The following BNC2 variants were observed in gnomAD, a reference collection of about 807,000 sequenced individuals.
BNC2 encodes the protein basonuclin zinc finger protein 2.
BNC2 carries 20 observed loss-of-function variants against 76.3 expected under a neutral mutation model. The observed-to-expected ratio is 0.26, with a 90% CI of 0.18 to 0.38. The LOEUF (loss-of-function observed/expected upper bound fraction) is 0.38, where lower values mean the gene tolerates loss of function less well. BNC2 is among the 10% of genes least tolerant of loss of function. The pLI is 1.00. For missense variants in BNC2, 1,382 were observed against 1,399.8 expected (o/e 0.99, Z 0.20); for synonymous variants, 582 against 514.8 (o/e 1.13, Z -1.77).
At chr9:16,708,285 T>TTTAA (rs1312219521) in intron 3 of BNC2, among the ~76,000 whole-genome samples, 4 of 152,198 alleles carry the variant, frequency 2.6e-5, no homozygotes, top group African/African-American at 9.6e-5. Context: ...AAATAAGAGT[T>TTTAA]TTAAAGTTCT....
At chr9:16,762,399 T>C (rs1586863298) in intron 1 of BNC2, among the ~76,000 whole-genome samples, 2 of 152,160 alleles carry the variant, frequency 1.3e-5, no homozygotes, top group African/African-American at 4.8e-5. Context: ...TAAAACAGTA[T>C]TTCGAAAAAA....
At chr9:16,754,518 T>C (rs7867584) in intron 1 of BNC2, among the ~76,000 whole-genome samples, 136 of 152,172 alleles carry the variant, frequency 8.9e-4, no homozygotes, top group African/African-American at 3.1e-3. Flanking sequence ...CCATATTTCA[T>C]TTTCCAATTA....
At chr9:16,773,132 T>C (rs1825872604) in intron 1 of BNC2, among the ~76,000 whole-genome samples, 1 of 152,154 alleles carries the variant, frequency 6.6e-6, no homozygotes, top group Non-Finnish European at 1.5e-5. Context: ...CTTTTTACTA[T>C]CAAGGGACAC....
chr9:16,769,172 T>C (rs148140553), intron 1 of BNC2, among the ~76,000 whole-genome samples: 2 of 152,314 alleles, frequency 1.3e-5, no homozygotes, highest in African/African-American at 2.4e-5. Context: ...TTAACAACTA[T>C]ATATGATTCA....
intron 4 of BNC2, among the ~76,000 whole-genome samples, chr9:16,576,124 G>A (rs890846258): frequency 6.6e-6 from 1 of 152,178 alleles, no homozygotes; most frequent in Non-Finnish European, 1.5e-5. Flanking sequence ...ATTAGTGCCT[G>A]TGCTACTGTT....
chr9:16,533,702 T>C (rs1818049310), intron 5 of BNC2, among the ~76,000 whole-genome samples: 1 of 152,156 alleles, frequency 6.6e-6, no homozygotes, highest in South Asian at 2.1e-4. Flanking sequence ...AAAACAAACA[T>C]TACATTTTTC....
chr9:16,738,358 A>T lies in BNC2; in HGVS notation c.129+2T>A, dbSNP rs1389288145. 6.2e-7 allele frequency: 1 copy of T among 1,613,630 alleles called. No individual in the cohort carries two copies. The highest frequency in any genetic ancestry group is 8.5e-7 in the Non-Finnish European group (1 of 1,179,812). On this transcript the variant is annotated splice_donor_variant, in intron 2 of 6. Coordinates refer to ENST00000380672, the MANE Select transcript of BNC2 (RefSeq NM_017637.6). LOFTEE classifies it high-confidence loss of function. ...AAAGGGGGAAAAAAAAAACCAACAT[A>T]CCTCAATTTGAGATGTATCAACCCC...
At chr9:16,854,276 A>C (rs1250175783) in intron 1 of BNC2, among the ~76,000 whole-genome samples, 2 of 152,248 alleles carry the variant, frequency 1.3e-5, no homozygotes, top group Non-Finnish European at 2.9e-5. Context: ...TTTCTGGTCC[A>C]TAAAATAATA....
chr9:16,753,974 G>A (rs1168756506), intron 1 of BNC2, among the ~76,000 whole-genome samples: 2 of 152,134 alleles, frequency 1.3e-5, no homozygotes, highest in African/African-American at 2.4e-5. Flanking sequence ...TGGTACTTGT[G>A]TCACAACCAA....
intron 1 of BNC2, among the ~76,000 whole-genome samples, chr9:16,801,852 A>C (rs2254193): frequency 0.084 from 12,786 of 152,068 alleles, 579 homozygotes; most frequent in Middle Eastern, 0.13. Flanking sequence ...GTGAAGGTTC[A>C]TTTCTATGTA....
intron 1 of BNC2, among the ~76,000 whole-genome samples, chr9:16,818,546 C>T (rs1162133070): frequency 6.6e-6 from 1 of 152,142 alleles, no homozygotes; most frequent in Admixed American, 6.5e-5. Flanking sequence ...AGGCAAGGAG[C>T]TCATGATTCA....
chr9:16,422,427 T>C (rs963128489), intron 6 of BNC2, among the ~76,000 whole-genome samples: 1 of 152,242 alleles, frequency 6.6e-6, no homozygotes, highest in African/African-American at 2.4e-5. Context: ...AAAGATGAAC[T>C]CATGGCAGTG....
At chr9:16,673,293 G>A (rs1822534844) in intron 3 of BNC2, among the ~76,000 whole-genome samples, 1 of 152,040 alleles carries the variant, frequency 6.6e-6, no homozygotes, top group South Asian at 2.1e-4. Context: ...GCACAGTATA[G>A]CTGGAAGACA....
intron 5 of BNC2, among the ~76,000 whole-genome samples, chr9:16,500,791 TA>T (rs1822501542): frequency 6.6e-6 from 1 of 152,048 alleles, no homozygotes; most frequent in South Asian, 2.1e-4. Flanking sequence ...GTTTTAAGAG[TA>T]CACTACTACT....
At chr9:16,513,003 C>T (rs942457630) in intron 5 of BNC2, among the ~76,000 whole-genome samples, 21 of 151,850 alleles carry the variant, frequency 1.4e-4, no homozygotes, top group African/African-American at 7.3e-5. Context: ...GGTATTTTGG[C>T]GCATGTTTGT....
Position 16,414,708 on chromosome 9 carries a change from T to A in BNC2, c.*4281A>T, listed in dbSNP as rs1257965539. ...AGTTAGGACTGCTCAGGTCAAGCTG[T>A]CAGCAGTTAGCAGCATGTCCATCTC... On this transcript the variant is annotated 3_prime_UTR_variant, in exon 7 of 7. Coordinates refer to ENST00000380672, the MANE Select transcript of BNC2 (RefSeq NM_017637.6). 1 of 152,210 alleles carries A rather than the reference T, an allele frequency of 6.6e-6. No homozygotes were observed. The highest frequency in any genetic ancestry group is 2.4e-5 in the African/African-American group (1 of 41,444). The allele number at this position is 152,210 out of a possible 1,614,324, so 9.4% of individuals were successfully genotyped here.
rs1295132356 is a variant in BNC2 at position 16,806,223 on chromosome 9, C to T, written c.3+64423G>A. 3.3e-5 allele frequency among the ~76,000 whole-genome samples: 5 copies of T among 152,250 alleles called. No individual in the cohort carries two copies. In the South Asian group the frequency reaches 8.3e-4, roughly 25 times the overall value. Reference sequence around the variant, plus strand: ...AGGCACAGTAGCTCATGCCTATAATCCCAGCGTTCTGGGAGGCAAAAGCAG... The same window carrying T: ...AGGCACAGTAGCTCATGCCTATAATTCCAGCGTTCTGGGAGGCAAAAGCAG... On this transcript the variant is annotated intron_variant, in intron 1 of 6. Coordinates refer to ENST00000380672, the MANE Select transcript of BNC2 (RefSeq NM_017637.6).
chr9:16,780,272 G>C (rs1445254188), intron 1 of BNC2, among the ~76,000 whole-genome samples: 1 of 122,438 alleles, frequency 8.2e-6, no homozygotes, highest in Admixed American at 8.4e-5. Context: ...AAAAACTACT[G>C]AAACTAATAA....
intron 1 of BNC2, among the ~76,000 whole-genome samples, chr9:16,859,642 G>A (rs1453408925): frequency 6.6e-6 from 1 of 152,174 alleles, no homozygotes; most frequent in Non-Finnish European, 1.5e-5. Flanking sequence ...CTTCTATGAG[G>A]CATCTAAAGT....
Sources: gnomAD v4.1 joint callset for allele counts (sites outside exome capture counted in the v4.1 genomes callset) on GRCh38, gnomAD v4.1.1 for gene constraint, MANE v1.5 for transcripts, NCBI Gene and HGNC (gene_info 2026-07-23, HGNC 2026-07-21) for gene names.